The following TMEM123 variants were observed in gnomAD, a reference collection of about 807,000 sequenced individuals.
TMEM123 encodes the protein porimin.
TMEM123 carries 16 observed loss-of-function variants against 19.7 expected under a neutral mutation model. The observed-to-expected ratio is 0.81, with a 90% confidence interval of 0.55 to 1.23. The LOEUF (loss-of-function observed/expected upper bound fraction) is 1.23, where lower values mean the gene tolerates loss of function less well. TMEM123 is among the 50% of genes most tolerant of loss of function. The pLI is 0.00. For missense variants in TMEM123, 313 were observed against 257.8 expected (o/e 1.21, Z -1.47); for synonymous variants, 118 against 99.4 (o/e 1.19, Z -1.12).
rs1323246984 is a variant in TMEM123 at position 102,452,738 on chromosome 11, T to C, written c.-115A>G. 1 of 771,886 alleles carries C rather than the reference T, an allele frequency of 1.3e-6. No homozygotes were observed. The highest frequency in any genetic ancestry group is 1.8e-6 in the Non-Finnish European group (1 of 553,650). The allele number at this position is 771,886 out of a possible 1,614,324, so 47.8% of individuals were successfully genotyped here. On this transcript the variant is annotated 5_prime_UTR_variant, in exon 1 of 5. Transcript: ENST00000398136. The stretch of plus-strand genomic sequence containing the variant: ...CCGCTTCCCCTTCGGCCGCGCACGT[T>C]TCCCCTCCCGCCGCTTGCCCCCCGA...
chr11:102,400,789 G>A (rs1951906112), intron 4 of TMEM123, among the ~76,000 whole-genome samples: 1 of 152,200 alleles, frequency 6.6e-6, no homozygotes, highest in South Asian at 2.1e-4. Context: ...GTGGCACCCT[G>A]ATCTTGGACT....
At chr11:102,413,391 G>A (rs1016016296) in intron 2 of TMEM123, among the ~76,000 whole-genome samples, 1 of 152,150 alleles carries the variant, frequency 6.6e-6, no homozygotes, top group Non-Finnish European at 1.5e-5. Flanking sequence ...GTGTACATGT[G>A]CACGGACCCC....
intron 2 of TMEM123, among the ~76,000 whole-genome samples, chr11:102,411,975 A>G (rs1008745178): frequency 6.6e-6 from 1 of 152,128 alleles, no homozygotes; most frequent in Non-Finnish European, 1.5e-5. Flanking sequence ...CCCAGGAGGA[A>G]GATCTATCTA....
At chr11:102,405,950 A>G (rs918020137) in intron 2 of TMEM123, among the ~76,000 whole-genome samples, 3 of 152,226 alleles carry the variant, frequency 2.0e-5, no homozygotes, top group Non-Finnish European at 4.4e-5. Context: ...ATGCTCTCCA[A>G]ATTCACATTG....
intron 2 of TMEM123, among the ~76,000 whole-genome samples, chr11:102,425,583 C>CTTTTTTTTTTTTTTTTTTTT (rs1167174586): frequency 9.3e-6 from 1 of 107,946 alleles, no homozygotes; most frequent in Admixed American, 9.7e-5. Flanking sequence ...TTTCTTTTTT[C>CTTTTTTTTTTTTTTTTTTTT]TTTTTTTTTT....
intron 2 of TMEM123, among the ~76,000 whole-genome samples, chr11:102,422,857 G>A (rs1294425082): frequency 6.6e-6 from 1 of 152,114 alleles, no homozygotes; most frequent in Non-Finnish European, 1.5e-5. Context: ...GATGTTTTAT[G>A]TTTCCATGAG....
rs1434001147 is a variant in TMEM123 at position 102,397,933 on chromosome 11, A to C, written c.*934T>G. ...CTTAAAGTTAGGTGTGTTTACACTC[A>C]ATTAAAAATTTCTAGATATTGAAAG... On this transcript the variant is annotated 3_prime_UTR_variant, in exon 5 of 5. Transcript: ENST00000398136. 6.6e-6 allele frequency: 1 copy of C among 152,226 alleles called. No individual in the cohort carries two copies. The highest frequency in any genetic ancestry group is 2.4e-5 in the African/African-American group (1 of 41,468). 9.4% of individuals were successfully genotyped at this position (152,226 alleles called of 1,614,324 possible).
chr11:102,425,500 T>C (rs914573676), intron 2 of TMEM123, among the ~76,000 whole-genome samples: 3 of 152,092 alleles, frequency 2.0e-5, no homozygotes, highest in Admixed American at 6.6e-5. Flanking sequence ...TGTTTTTCGT[T>C]TGTCCATCTA....
intron 2 of TMEM123, among the ~76,000 whole-genome samples, chr11:102,422,595 A>C (rs1384565909): frequency 6.6e-6 from 1 of 152,170 alleles, no homozygotes; most frequent in Non-Finnish European, 1.5e-5. Context: ...CAGAATAACC[A>C]CTATCTTGAA....
intron 2 of TMEM123, among the ~76,000 whole-genome samples, chr11:102,422,864 T>A: frequency 6.6e-6 from 1 of 152,230 alleles, no homozygotes; most frequent in Non-Finnish European, 1.5e-5. Context: ...TATGTTTCCA[T>A]GAGTCTGGCA....
intron 2 of TMEM123, among the ~76,000 whole-genome samples, chr11:102,428,430 T>C (rs1952147464): frequency 6.6e-6 from 1 of 151,960 alleles, no homozygotes; most frequent in South Asian, 2.1e-4. Context: ...GCCTCCCAAG[T>C]AGCTGGGATT....
chr11:102,406,672 G>C (rs1014159971), intron 2 of TMEM123, among the ~76,000 whole-genome samples: 7 of 151,498 alleles, frequency 4.6e-5, no homozygotes, highest in African/African-American at 1.7e-4. Context: ...TCAGGAGATC[G>C]ATCACTGGCT....
chr11:102,434,987 T>C (rs996675769), intron 2 of TMEM123, among the ~76,000 whole-genome samples: 3 of 151,838 alleles, frequency 2.0e-5, no homozygotes, highest in Non-Finnish European at 4.4e-5. Context: ...CAATATACAA[T>C]AGCTTTGTGG....
chr11:102,412,704 G>A (rs1379684975), intron 2 of TMEM123, among the ~76,000 whole-genome samples: 2 of 151,910 alleles, frequency 1.3e-5, no homozygotes, highest in African/African-American at 4.8e-5. Context: ...TAATCTAACA[G>A]GAAAATATAT....
At chr11:102,438,123 G>A (rs1446079676) in intron 2 of TMEM123, among the ~76,000 whole-genome samples, 1 of 152,038 alleles carries the variant, frequency 6.6e-6, no homozygotes, top group Non-Finnish European at 1.5e-5. Context: ...GCACAATCTC[G>A]GCTCACTGCA....
chr11:102,452,403 G>A (rs1857951620), intron 1 of TMEM123, 121 bp downstream of exon 1: 8 of 868,040 alleles, frequency 9.2e-6, no homozygotes, highest in African/African-American at 1.8e-5. Context: ...CTCTGGGTCC[G>A]CCCCGAGCGT....
chr11:102,452,632 G>C lies in TMEM123; in HGVS notation c.-9C>G. On this transcript the variant is annotated 5_prime_UTR_variant, in exon 1 of 5. Coordinates refer to ENST00000398136, the MANE Select transcript of TMEM123 (RefSeq NM_052932.3). ...CGCGCGCCGAGTCCCATTGTTCCGA[G>C]GGCAGGATGCGGCAGCCTCGTGGGC... 1 of 1,520,110 alleles carries C rather than the reference G, an allele frequency of 6.6e-7. No homozygotes were observed. Among genetic ancestry groups the C allele is most frequent in the Non-Finnish European group, 8.8e-7 (1 of 1,133,674 alleles). The allele number at this position is 1,520,110 out of a possible 1,614,324, so 94.2% of individuals were successfully genotyped here. A position where few individuals can be genotyped will look rare whatever the true frequency, so the allele number is the denominator to read the frequency against.
intron 2 of TMEM123, among the ~76,000 whole-genome samples, chr11:102,409,391 T>C (rs1038890148): frequency 7.9e-5 from 12 of 152,166 alleles, no homozygotes; most frequent in Admixed American, 2.0e-4. Context: ...TTTACAACCT[T>C]ACCCCATCAA....
At chr11:102,436,632 T>C (rs1857765655) in intron 2 of TMEM123, among the ~76,000 whole-genome samples, 2 of 151,900 alleles carry the variant, frequency 1.3e-5, no homozygotes, top group South Asian at 4.1e-4. Flanking sequence ...TTAACTCTAC[T>C]TACTGCTTAA....
Sources: gnomAD v4.1 joint callset for allele counts (sites outside exome capture counted in the v4.1 genomes callset) on GRCh38, gnomAD v4.1.1 for gene constraint, MANE v1.5 for transcripts, NCBI Gene and HGNC (gene_info 2026-07-23, HGNC 2026-07-21) for gene names.